Variants in RAB40C observed in about 807,000 individuals in gnomAD.
RAB40C encodes the protein ras-related protein Rab-40C.
Under a neutral mutation model 28.1 loss-of-function variants are expected in RAB40C, and 8 were observed. The observed-to-expected ratio is 0.28, with a 90% CI of 0.17 to 0.51. The LOEUF (loss-of-function observed/expected upper bound fraction) is 0.51. RAB40C is among the 20% of genes least tolerant of loss of function. RAB40C has a pLI of 0.97. For missense variants in RAB40C, 288 were observed against 405.9 expected, an observed-to-expected ratio of 0.71 and a Z score of 2.50; for synonymous variants, 201 against 171.7, an observed-to-expected ratio of 1.17 and a Z score of -1.34.
chr16:626,510 G>C (rs1041338719), intron 5 of RAB40C, among the ~76,000 whole-genome samples: 20 of 152,182 alleles, frequency 1.3e-4, no homozygotes, highest in African/African-American at 4.8e-4. Flanking sequence ...CTCTTCCTGG[G>C]TAGCCACATC....
chr16:607,425 C>T (rs2036382504), intron 1 of RAB40C, among the ~76,000 whole-genome samples: 1 of 148,708 alleles, frequency 6.7e-6, no homozygotes, highest in South Asian at 2.1e-4. Flanking sequence ...ATCACTTGAA[C>T]ATGGGAGGTA....
intron 1 of RAB40C, among the ~76,000 whole-genome samples, chr16:601,143 T>C (rs1158975804): frequency 6.6e-6 from 1 of 152,188 alleles, no homozygotes; most frequent in African/African-American, 2.4e-5. Flanking sequence ...GGAACAGAGA[T>C]AGAAGCTGTA....
intron 4 of RAB40C, 122 bp from the exon 5 acceptor site, chr16:625,777 C>T (rs1377601515): frequency 9.4e-7 from 1 of 1,060,374 alleles, no homozygotes; most frequent in Non-Finnish European, 1.4e-6. Flanking sequence ...TTGACCTCCG[C>T]CCACCTTGAC....
At position 610,450 on chromosome 16, in the gene RAB40C, G is replaced by A. The variant is rs1293071676; in HGVS notation, c.143-6758G>A. On this transcript the variant is annotated intron_variant, in intron 1 of 5. Coordinates refer to ENST00000248139, the MANE Select transcript of RAB40C (RefSeq NM_021168.5). This position sits in a 1 kb window ranked among gnomAD's most constrained non-coding sequence, Gnocchi z 4.6. ...GGCAGGAGTTGCTGGTGCTGCGTGAGGCCTCAGTGGGCCTGCACGGAGCAG... is the reference window on the plus strand; with the variant it reads ...GGCAGGAGTTGCTGGTGCTGCGTGAAGCCTCAGTGGGCCTGCACGGAGCAG... Among the ~76,000 whole-genome samples, 2 of 152,166 alleles carry A rather than the reference G, an allele frequency of 1.3e-5. No homozygotes were observed. Among genetic ancestry groups the A allele is most frequent in the Admixed American group, 1.3e-4 (2 of 15,274 alleles).
intron 1 of RAB40C, among the ~76,000 whole-genome samples, chr16:604,779 G>A (rs1353118473): frequency 6.6e-6 from 1 of 152,214 alleles, no homozygotes; most frequent in Non-Finnish European, 1.5e-5. Flanking sequence ...TTAGCCTGGG[G>A]CTGGGTGTGG....
At chr16:613,204 C>CAAG (rs1282928726) in intron 1 of RAB40C, among the ~76,000 whole-genome samples, 61 of 138,962 alleles carry the variant, frequency 4.4e-4, no homozygotes, top group African/African-American at 1.6e-3. Flanking sequence ...CCTGTAGAAT[C>CAAG]AGCAGGGACA....
In RAB40C at chr16:608,258, AACTC is replaced by A. The variant is rs547778186; in HGVS notation, c.143-8943_143-8940del. ...TCCTAAAACCATCAGGTGTCGGGAGAACTCACTCACCCGCACAAAAACAGCAGGG... is the reference window on the plus strand; with the variant it reads ...TCCTAAAACCATCAGGTGTCGGGAGAACTCACCCGCACAAAAACAGCAGGG... On this transcript the variant is annotated intron_variant, in intron 1 of 5. Transcript: ENST00000248139. Among the ~76,000 whole-genome samples the A allele has an allele frequency of 1.2e-4, 19 of 152,234 alleles. 1 individual carries two copies. The East Asian group carries it at 1.9e-3, about 15-fold the overall frequency.
upstream of RAB40C, chr16:589,450 C>T (rs1341533057): frequency 6.6e-6 from 1 of 152,270 alleles, no homozygotes; most frequent in Non-Finnish European, 1.5e-5. Context: ...TCAGCCGCAT[C>T]GCCTCGGCTC....
rs749880120 is a variant in RAB40C, at chr16:610,274, C to T, written c.143-6934C>T. Among the ~76,000 whole-genome samples the T allele has an allele frequency of 2.6e-5, 4 of 152,068 alleles. No individual in the cohort carries two copies. ...GGAGCGGCTCTGACCAGGACAGTGC[C>T]GTGTGTCTCATGGGGTTGTGTTCAG... On this transcript the variant is annotated intron_variant, in intron 1 of 5. Transcript: ENST00000248139. The surrounding 1 kb of genome is among the most constrained non-coding windows in gnomAD (Gnocchi z 4.6).
intron 1 of RAB40C, among the ~76,000 whole-genome samples, chr16:592,936 C>T (rs765184054): frequency 1.4e-4 from 21 of 152,218 alleles, no homozygotes; most frequent in Non-Finnish European, 1.8e-4. Context: ...TTGTGTAAGA[C>T]GTGGAGACCT....
intron 3 of RAB40C, among the ~76,000 whole-genome samples, chr16:619,000 G>A: frequency 8.8e-6 from 1 of 114,138 alleles, no homozygotes; most frequent in South Asian, 3.7e-4. Flanking sequence ...GGACGCACTG[G>A]GGCCATGTGT....
rs1432065285 is a variant in RAB40C, at chr16:618,248, C to T, written c.252C>T (p.Ser84=). 6.2e-7 allele frequency: 1 copy of T among 1,613,368 alleles called. No homozygotes were observed. Among genetic ancestry groups the T allele is most frequent in the Admixed American group, 1.7e-5 (1 of 59,848 alleles). The change falls in exon 3 of 6, where the codon TCC becomes TCT. Residue 84 remains serine (S), a synonymous_variant. Transcript: ENST00000248139. ...GRFCTIFRSY[S]RGAQGILLVY... is the part of the protein sequence containing the mutation. The stretch of plus-strand genomic sequence containing the variant: ...TCTGCACCATCTTCAGGTCCTACTC[C>T]AGGGGCGCTCAGGTAAGACCAGCAC...
At chr16:613,947 C>T (rs1229562430) in intron 1 of RAB40C, among the ~76,000 whole-genome samples, 4 of 152,162 alleles carry the variant, frequency 2.6e-5, no homozygotes, top group South Asian at 2.1e-4. Flanking sequence ...ACACGCAGCT[C>T]GGGAAGCACA....
chr16:596,873 C>CT (rs1394103682), intron 1 of RAB40C, among the ~76,000 whole-genome samples: 8 of 152,160 alleles, frequency 5.3e-5, no homozygotes, highest in African/African-American at 1.7e-4. Flanking sequence ...AGCGAGGAGG[C>CT]TTCTGAGCCG....
chr16:606,961 G>A (rs1718650034), intron 1 of RAB40C, among the ~76,000 whole-genome samples: 1 of 152,212 alleles, frequency 6.6e-6, no homozygotes, highest in Admixed American at 6.5e-5. Flanking sequence ...TGCCCTGCAG[G>A]AACATGGCTG....
chr16:617,104 T>C lies in RAB40C; in HGVS notation c.143-104T>C, dbSNP rs986191711. On this transcript the variant is annotated intron_variant, in intron 1 of 5. Coordinates refer to ENST00000248139, the MANE Select transcript of RAB40C (RefSeq NM_021168.5). ...GAGTGTGGGGGAGCTGCTTCTCCAC[T>C]TCCGCGTGGGTCTTGGCCCTGGGAG... 7.4e-5 allele frequency: 90 copies of C among 1,222,814 alleles called. No individual in the cohort carries two copies. The African/African-American group carries it at 1.2e-3, about 16-fold the overall frequency. 75.7% of individuals were successfully genotyped at this position (1,222,814 alleles called of 1,614,324 possible). A position where few individuals can be genotyped will look rare whatever the true frequency, so the allele number is the denominator to read the frequency against.
chr16:607,090 C>A (rs1332016523), intron 1 of RAB40C, among the ~76,000 whole-genome samples: 2 of 152,238 alleles, frequency 1.3e-5, no homozygotes, highest in South Asian at 4.1e-4. Flanking sequence ...AGCCAGCCTC[C>A]CTCGGCTGCC....
chr16:611,398 G>A (rs2036481529), intron 1 of RAB40C, among the ~76,000 whole-genome samples: 1 of 152,210 alleles, frequency 6.6e-6, no homozygotes, highest in Non-Finnish European at 1.5e-5. Context: ...TGGCCTTTGT[G>A]GCAATCGTGG....
chr16:624,299 C>G (rs2151080932), intron 3 of RAB40C: 1 of 985,444 alleles, frequency 1.0e-6, no homozygotes, highest in East Asian at 1.1e-4. Flanking sequence ...ATGAGCCAGC[C>G]CCAGTCCCTG....
Sources: allele counts gnomAD v4.1 joint callset (sites outside exome capture counted in the v4.1 genomes callset), GRCh38; gene constraint gnomAD v4.1.1; non-coding constraint Gnocchi (gnomAD v3.1); transcripts MANE v1.5; gene names NCBI Gene and HGNC (gene_info 2026-07-23, HGNC 2026-07-21).